The following AGBL4 variants were observed in gnomAD, a reference collection of about 807,000 sequenced individuals.
The protein encoded by AGBL4 is cytosolic carboxypeptidase 6.
In AGBL4, 58 loss-of-function variants were observed where a neutral mutation model predicts 66.4. That is an observed-to-expected ratio of 0.87 (90% confidence interval 0.71 to 1.09). The LOEUF (loss-of-function observed/expected upper bound fraction) is 1.09. Among genes scored for constraint, AGBL4 ranks in the 50% least tolerant of loss-of-function variants. The pLI is 0.00. For synonymous variants in AGBL4, 234 were observed against 222.9 expected (o/e 1.05, Z -0.44); for missense variants, 579 against 631.0 (o/e 0.92, Z 0.88).
At chr1:48,571,078 G>A (rs192421388) in intron 11 of AGBL4, among the ~76,000 whole-genome samples, 1 of 152,166 alleles carries the variant, frequency 6.6e-6, no homozygotes, top group Non-Finnish European at 1.5e-5. Context: ...AGCCAGTCAC[G>A]GTGTTAGGTA....
chr1:49,426,605 G>T (rs1645665153), intron 3 of AGBL4, among the ~76,000 whole-genome samples: 1 of 151,988 alleles, frequency 6.6e-6, no homozygotes, highest in African/African-American at 2.4e-5. Flanking sequence ...TTGAGCAATA[G>T]CTTCTACTTA....
intron 4 of AGBL4, among the ~76,000 whole-genome samples, chr1:49,105,453 G>A (rs894643417): frequency 4.6e-5 from 7 of 152,088 alleles, no homozygotes; most frequent in African/African-American, 1.7e-4. Context: ...AAGAGACAGC[G>A]TACCTAACAT....
At chr1:49,962,878 G>T (rs1294816491) in intron 1 of AGBL4, among the ~76,000 whole-genome samples, 3 of 152,162 alleles carry the variant, frequency 2.0e-5, no homozygotes, top group Non-Finnish European at 4.4e-5. Context: ...AGGGCTCAGA[G>T]AGATAAATTG....
intron 5 of AGBL4, among the ~76,000 whole-genome samples, chr1:48,953,436 C>T (rs534055982): frequency 2.6e-5 from 4 of 152,240 alleles, no homozygotes; most frequent in Admixed American, 2.0e-4. Context: ...GAATTGATTG[C>T]TTGTGTGGTG....
At chr1:49,658,717 A>G (rs1159426047) in intron 3 of AGBL4, among the ~76,000 whole-genome samples, 1 of 152,178 alleles carries the variant, frequency 6.6e-6, no homozygotes, top group African/African-American at 2.4e-5. Flanking sequence ...AGGGACATGG[A>G]TGAAGCTGGA....
At chr1:49,448,377 C>A (rs372395968) in intron 3 of AGBL4, among the ~76,000 whole-genome samples, 25 of 152,266 alleles carry the variant, frequency 1.6e-4, no homozygotes, top group Middle Eastern at 3.4e-3. Flanking sequence ...AGAGAAACAA[C>A]TGTCAGCAGG....
At chr1:49,730,812 G>A (rs115178643) in intron 2 of AGBL4, among the ~76,000 whole-genome samples, 42 of 152,300 alleles carry the variant, frequency 2.8e-4, no homozygotes, top group Non-Finnish European at 5.3e-4. Context: ...CATCCACCCC[G>A]TGGAGATTTC....
chr1:48,789,455 AT>A (rs1271915644), intron 6 of AGBL4, among the ~76,000 whole-genome samples: 16 of 151,774 alleles, frequency 1.1e-4, no homozygotes, highest in South Asian at 2.1e-4. Flanking sequence ...CGCTTGGCTA[AT>A]TTTTTTGTAT....
chr1:49,987,167 TG>T (rs1431170614), intron 1 of AGBL4, among the ~76,000 whole-genome samples: 4 of 152,076 alleles, frequency 2.6e-5, no homozygotes, highest in Non-Finnish European at 5.9e-5. Flanking sequence ...TGCAAGGCAT[TG>T]TTTATACTTA....
chr1:48,752,733 A>T (rs1280826486), intron 6 of AGBL4, among the ~76,000 whole-genome samples: 1 of 151,996 alleles, frequency 6.6e-6, no homozygotes, highest in Non-Finnish European at 1.5e-5. Context: ...CAGGCAGATG[A>T]CTTTACTGCA....
At chr1:49,142,195 C>T (rs950770608) in intron 4 of AGBL4, among the ~76,000 whole-genome samples, 1 of 152,156 alleles carries the variant, frequency 6.6e-6, no homozygotes, top group Non-Finnish European at 1.5e-5. Flanking sequence ...CATCTCCCCG[C>T]TCTCCCACCT....
At chr1:49,732,642 C>A (rs1277718163) in intron 2 of AGBL4, among the ~76,000 whole-genome samples, 2 of 151,960 alleles carry the variant, frequency 1.3e-5, no homozygotes, top group African/African-American at 4.8e-5. Flanking sequence ...AATAAAAATT[C>A]AGTAGAAAGG....
intron 3 of AGBL4, among the ~76,000 whole-genome samples, chr1:49,590,316 A>AT (rs1029065217): frequency 1.3e-5 from 2 of 152,040 alleles, no homozygotes; most frequent in African/African-American, 4.8e-5. Context: ...AACCGAGAAT[A>AT]TAACACTAAT....
intron 2 of AGBL4, among the ~76,000 whole-genome samples, chr1:49,758,149 G>T (rs1359775162): frequency 6.6e-6 from 1 of 152,170 alleles, no homozygotes; most frequent in Non-Finnish European, 1.5e-5. Context: ...CCAAGCCTTG[G>T]CAACTTCCAC....
intron 6 of AGBL4, among the ~76,000 whole-genome samples, chr1:48,779,658 G>C (rs1341153949): frequency 1.3e-5 from 2 of 151,020 alleles, no homozygotes; most frequent in Admixed American, 1.3e-4. Flanking sequence ...AAGAGAGCAT[G>C]AATAACAAAC....
chr1:49,601,821 A>G (rs1415344910), intron 3 of AGBL4, among the ~76,000 whole-genome samples: 1 of 152,212 alleles, frequency 6.6e-6, no homozygotes, highest in Non-Finnish European at 1.5e-5. Flanking sequence ...AAACATCAAA[A>G]GCAATGGCAA....
At chr1:49,566,879 T>A (rs926940767) in intron 3 of AGBL4, among the ~76,000 whole-genome samples, 2 of 152,224 alleles carry the variant, frequency 1.3e-5, no homozygotes, top group African/African-American at 4.8e-5. Flanking sequence ...TGTTTGTCTG[T>A]GCCCTGCCCC....
chr1:49,047,535 C>T (rs1392830288), intron 4 of AGBL4, among the ~76,000 whole-genome samples: 2 of 152,122 alleles, frequency 1.3e-5, no homozygotes, highest in Non-Finnish European at 2.9e-5. Flanking sequence ...AACTAGATTG[C>T]TACCCTAAAT....
At chr1:49,917,425 T>G (rs867047891) in intron 1 of AGBL4, among the ~76,000 whole-genome samples, 89 of 151,280 alleles carry the variant, frequency 5.9e-4, no homozygotes, top group Middle Eastern at 6.8e-3. Context: ...AAAGGCAGGG[T>G]TTGCAATCCT....
Sources: gnomAD v4.1 joint callset for allele counts (sites outside exome capture counted in the v4.1 genomes callset) on GRCh38, gnomAD v4.1.1 for gene constraint, MANE v1.5 for transcripts, NCBI Gene and HGNC (gene_info 2026-07-23, HGNC 2026-07-21) for gene names.